The following TJP3 variants were observed in gnomAD, a reference collection of about 807,000 sequenced individuals.
TJP3 encodes tight junction protein ZO-3.
A neutral mutation model predicts 104.2 loss-of-function variants in TJP3; 85 were observed. The ratio of observed to expected loss-of-function variants is 0.82; its 90% confidence interval spans 0.68 to 0.98. TJP3 has a LOEUF of 0.98. Ranked by LOEUF, TJP3 falls within the 50% of genes least tolerant of loss-of-function variation. The probability of loss-of-function intolerance (pLI) is 0.00; values close to 1 mark genes in which losing one functional copy is unlikely to be tolerated. For missense variants in TJP3, 1,367 were observed against 1,322.8 expected (o/e 1.03, Z -0.52); for synonymous variants, 550 against 550.6 (o/e 1.00, Z 0.02).
chr19:3,745,133 C>CTTTTTTTTTTTT (rs549831017), intron 15 of TJP3, among the ~76,000 whole-genome samples: 1 of 70,046 alleles, frequency 1.4e-5, no homozygotes, highest in African/African-American at 6.3e-5. Context: ...AATTTTATGT[C>CTTTTTTTTTTTT]TTTTTTTTTT....
intron 1 of TJP3, among the ~76,000 whole-genome samples, 184 bp downstream of exon 1, chr19:3,708,745 T>C (rs560545237): frequency 4.5e-4 from 68 of 152,230 alleles, no homozygotes; most frequent in African/African-American, 1.6e-3. Context: ...AGGGATTATC[T>C]GACCGGCAGT....
In TJP3 at chr19:3,747,999, C is replaced by T. The variant is rs757052475; in HGVS notation, c.2528C>T (p.Ala843Val). Reference sequence around the variant, plus strand: ...GATGAGCCCCCGGCTCCAGCCCTGGCCCGGTCCTCGGAGCCCGTGCAGGCA... The same window carrying T: ...GATGAGCCCCCGGCTCCAGCCCTGGTCCGGTCCTCGGAGCCCGTGCAGGCA... ...VDDEPPAPAL[A>V]RSSEPVQADE... Residue 843 changes from alanine (A) to valine (V), a missense_variant, in exon 19 of 21, where the codon GCC becomes GTC. By Grantham distance (64) the Ala-to-Val change is moderately conservative (BLOSUM62 0). Transcript: ENST00000541714. 8 of 1,610,440 alleles carry T rather than the reference C, an allele frequency of 5.0e-6. No homozygotes were observed. The highest frequency in any genetic ancestry group is 3.3e-4 in the Middle Eastern group (2 of 6,040).
intron 1 of TJP3, among the ~76,000 whole-genome samples, chr19:3,713,976 C>T (rs1018218074): frequency 2.0e-5 from 3 of 150,892 alleles, no homozygotes; most frequent in East Asian, 2.0e-4. Flanking sequence ...CCACCTGTCT[C>T]GGCCTCCCAA....
Position 3,746,528 on chromosome 19 carries a change from G to A in TJP3, c.2054G>A (p.Arg685His), listed in dbSNP as rs199953340. 2.0e-5 allele frequency: 32 copies of A among 1,613,980 alleles called. No homozygotes were observed. Among genetic ancestry groups the A allele is most frequent in the Middle Eastern group, 1.6e-4 (1 of 6,062 alleles). ...LLDVTPSAIERLNYVQYYPIV... is the reference protein window; with the variant it reads ...LLDVTPSAIEHLNYVQYYPIV... ...GATGTGACCCCCTCCGCCATCGAGC[G>A]CCTCAACTATGTGCAGTACTACCCC... Residue 685 changes from arginine (R) to histidine (H), a missense_variant, in exon 17 of 21, where the codon CGC becomes CAC. Coordinates refer to ENST00000541714, the MANE Select transcript of TJP3 (RefSeq NM_001267560.2). This position sits in a 1 kb window ranked among gnomAD's most constrained non-coding sequence, Gnocchi z 4.1.
rs144495691 is a variant in TJP3 at position 3,719,140 on chromosome 19, C to T, written c.-9-9284C>T. ...CGGAGCTTGCAGTGAGCCGAGACTG[C>T]GCCCGGCACTCCAACCTGGGTGACA... On this transcript the variant is annotated intron_variant, in intron 1 of 20. Coordinates refer to ENST00000541714, the MANE Select transcript of TJP3 (RefSeq NM_001267560.2). Among the ~76,000 whole-genome samples the T allele has an allele frequency of 3.7e-3, 557 of 151,708 alleles. 1 individual carries two copies. The highest frequency in any genetic ancestry group is 6.3e-3 in the Non-Finnish European group (427 of 67,880).
At chr19:3,728,819 G>A in intron 3 of TJP3, 106 bp downstream of exon 3, 1 of 1,185,226 alleles carries the variant, frequency 8.4e-7, no homozygotes, top group Non-Finnish European at 1.2e-6. Flanking sequence ...TTGCGAGGCT[G>A]AAGTGGGCGG....
chr19:3,743,956 G>C lies in TJP3; in HGVS notation c.1861G>C (p.Val621Leu). 1 of 1,614,160 alleles carries C rather than the reference G, an allele frequency of 6.2e-7. No homozygotes were observed. Among genetic ancestry groups the C allele is most frequent in the South Asian group, 1.1e-5 (1 of 91,086 alleles). ...CCCCTCAGCCAGTTTCAAGCGCCCG[G>C]TAGTGATCCTGGGACCCGTGGCCGA... ...VLREASFKRP[V>L]VILGPVADIA... The change falls in exon 15 of 21, where the codon GTA becomes CTA. Residue 621 changes from valine to leucine, a missense_variant. Physicochemically the swap from Val to Leu is conservative, Grantham distance 32. Transcript: ENST00000541714.
intron 15 of TJP3, 117 bp downstream of exon 15, chr19:3,744,151 C>T (rs2036856578): frequency 1.1e-6 from 1 of 872,914 alleles, no homozygotes; most frequent in Non-Finnish European, 1.8e-6. Context: ...GATGGGCCAC[C>T]AGTGCCCCCC....
intron 1 of TJP3, among the ~76,000 whole-genome samples, chr19:3,711,931 C>T (rs1468388423): frequency 6.6e-6 from 1 of 151,884 alleles, no homozygotes; most frequent in Non-Finnish European, 1.5e-5. Context: ...AGTGATCTGC[C>T]AGCCTCAGCC....
At chr19:3,708,664 C>T (rs915283756) in intron 1 of TJP3, 103 bp downstream of exon 1, 13 of 152,014 alleles carry the variant, frequency 8.6e-5, no homozygotes, top group Admixed American at 7.2e-4. Flanking sequence ...TCCCCCACCA[C>T]GAGCTGTCTC....
At chr19:3,736,498 C>T (rs1341861073) in intron 11 of TJP3, among the ~76,000 whole-genome samples, 177 bp downstream of exon 11, 1 of 152,186 alleles carries the variant, frequency 6.6e-6, no homozygotes, top group African/African-American at 2.4e-5. Context: ...GATGTCACGA[C>T]CTTATCTTCC....
rs774936550 is a variant in TJP3, at chr19:3,738,969, G to T, written c.1466G>T (p.Ser489Ile). ...YIRTHFELEP[S>I]PPSGLGFTRG... is the part of the protein sequence containing the mutation. ...CGCACTCACTTTGAGCTGGAGCCCA[G>T]TCCACCGTCTGGCCTGGGCTTCACC... Residue 489 changes from serine to isoleucine, a missense_variant, in exon 13 of 21, where the codon AGT (serine) becomes ATT (isoleucine). Transcript: ENST00000541714. 2.7e-5 allele frequency: 44 copies of T among 1,613,202 alleles called. No individual in the cohort carries two copies. The South Asian group carries it at 3.3e-4, about 12-fold the overall frequency.
At chr19:3,715,132 C>T (rs1374697896) in intron 1 of TJP3, among the ~76,000 whole-genome samples, 2 of 151,226 alleles carry the variant, frequency 1.3e-5, no homozygotes, top group Non-Finnish European at 2.9e-5. Context: ...CTCTGTCGCC[C>T]AGGCTGGAGC....
chr19:3,734,100 G>A (rs190389546), intron 7 of TJP3, among the ~76,000 whole-genome samples, 188 bp downstream of exon 7: 29 of 152,282 alleles, frequency 1.9e-4, no homozygotes, highest in Non-Finnish European at 2.8e-4. Flanking sequence ...GGGTTCAAGC[G>A]ATTCTCTGCC....
chr19:3,719,102 T>C lies in TJP3; in HGVS notation c.-9-9322T>C, dbSNP rs2036518488. The stretch of plus-strand genomic sequence containing the variant: ...AGGAGGCTGAGGCATGAGAATGGTG[T>C]GAACCCCGCAGGCGGAGCTTGCAGT... On this transcript the variant is annotated intron_variant, in intron 1 of 20. Transcript: ENST00000541714. Among the ~76,000 whole-genome samples, 3 of 151,860 alleles carry C rather than the reference T, an allele frequency of 2.0e-5. No individual in the cohort carries two copies. In the South Asian group the frequency reaches 6.3e-4, roughly 32 times the overall value.
intron 1 of TJP3, among the ~76,000 whole-genome samples, chr19:3,712,257 A>G (rs2036440911): frequency 2.0e-5 from 3 of 152,198 alleles, no homozygotes; most frequent in Non-Finnish European, 4.4e-5. Context: ...CAGAGGTTGC[A>G]GTGAGCCGGG....
At chr19:3,713,223 G>T (rs1485028015) in intron 1 of TJP3, among the ~76,000 whole-genome samples, 1 of 152,088 alleles carries the variant, frequency 6.6e-6, no homozygotes, top group Non-Finnish European at 1.5e-5. Flanking sequence ...CCCACAGACC[G>T]GGGCGTCTCC....
chr19:3,740,797 C>T, intron 14 of TJP3, 34 bp downstream of exon 14: 1 of 1,496,950 alleles, frequency 6.7e-7, no homozygotes, highest in Non-Finnish European at 8.9e-7. Context: ...CCTGGGGAGG[C>T]CTCACACACA....
chr19:3,732,188 C>A, intron 6 of TJP3, 150 bp downstream of exon 6: 7 of 619,850 alleles, frequency 1.1e-5, no homozygotes. Context: ...TTGCAGATGG[C>A]CAGGCATAAA....
Sources: allele counts gnomAD v4.1 joint callset (sites outside exome capture counted in the v4.1 genomes callset), GRCh38; gene constraint gnomAD v4.1.1; non-coding constraint Gnocchi (gnomAD v3.1); transcripts MANE v1.5; gene names NCBI Gene and HGNC (gene_info 2026-07-23, HGNC 2026-07-21).